The following TIAM1 variants were observed in gnomAD, a reference collection of about 807,000 sequenced individuals.
TIAM1 encodes rho guanine nucleotide exchange factor TIAM1.
In TIAM1, 65 loss-of-function variants were observed where a neutral mutation model predicts 163.5. The ratio of observed to expected loss-of-function variants is 0.40; its 90% confidence interval spans 0.33 to 0.49. The LOEUF is 0.49. Among genes scored for constraint, TIAM1 ranks in the 20% least tolerant of loss-of-function variants. The pLI is 0.77. For missense variants in TIAM1, 1,789 were observed against 2,044.7 expected, an observed-to-expected ratio of 0.87 and a Z score of 2.41; for synonymous variants, 833 against 810.1, an observed-to-expected ratio of 1.03 and a Z score of -0.48.
At chr21:31,386,540 CAGATGG>C (rs1478450842) in intron 2 of TIAM1, among the ~76,000 whole-genome samples, 2 of 152,136 alleles carry the variant, frequency 1.3e-5, no homozygotes, top group Non-Finnish European at 2.9e-5. Context: ...GCAGCCCTTC[CAGATGG>C]GCCGCTAAGA....
intron 2 of TIAM1, among the ~76,000 whole-genome samples, chr21:31,368,695 A>G (rs1260569833): frequency 6.6e-6 from 1 of 152,218 alleles, no homozygotes; most frequent in Non-Finnish European, 1.5e-5. Flanking sequence ...GTAAGAAGAA[A>G]AGGACGGGAG....
chr21:31,375,530 T>A (rs1393389341), intron 2 of TIAM1, among the ~76,000 whole-genome samples: 3 of 141,884 alleles, frequency 2.1e-5, no homozygotes, highest in Non-Finnish European at 4.5e-5. Flanking sequence ...TGTTCATTCA[T>A]ATATAGAAAA....
intron 2 of TIAM1, among the ~76,000 whole-genome samples, chr21:31,294,963 C>A (rs573387964): frequency 1.3e-5 from 2 of 152,354 alleles, no homozygotes; most frequent in East Asian, 3.9e-4. Context: ...TGCGCTGCGC[C>A]ACCCAGCACA....
chr21:31,159,901 A>G (rs2083822347), intron 16 of TIAM1, among the ~76,000 whole-genome samples: 1 of 152,246 alleles, frequency 6.6e-6, no homozygotes, highest in Admixed American at 6.5e-5. Flanking sequence ...AGTTGCTGTC[A>G]AACCAGTAAC....
chr21:31,155,155 G>A (rs2083558951), intron 16 of TIAM1, among the ~76,000 whole-genome samples: 1 of 152,214 alleles, frequency 6.6e-6, no homozygotes, highest in Non-Finnish European at 1.5e-5. Flanking sequence ...GACCATAAAG[G>A]TTGCACACGT....
At chr21:31,453,846 C>T (rs2044981248) in intron 2 of TIAM1, among the ~76,000 whole-genome samples, 1 of 151,868 alleles carries the variant, frequency 6.6e-6, no homozygotes, top group African/African-American at 2.4e-5. Flanking sequence ...ACCAACATGA[C>T]CTGGCCTGCT....
At chr21:31,357,771 A>G (rs2076340604) in intron 2 of TIAM1, among the ~76,000 whole-genome samples, 1 of 152,238 alleles carries the variant, frequency 6.6e-6, no homozygotes, top group South Asian at 2.1e-4. Context: ...CGGTTTATAA[A>G]GCCAATGTTT....
chr21:31,389,118 G>A (rs928241249), intron 2 of TIAM1, among the ~76,000 whole-genome samples: 1 of 152,180 alleles, frequency 6.6e-6, no homozygotes, highest in East Asian at 1.9e-4. Context: ...AATTTTATTC[G>A]TGGATGCTGA....
intron 16 of TIAM1, among the ~76,000 whole-genome samples, chr21:31,154,675 C>T (rs950144173): frequency 2.6e-5 from 4 of 152,170 alleles, no homozygotes; most frequent in African/African-American, 9.7e-5. Flanking sequence ...ATTTCATCTG[C>T]CCACACGGTA....
intron 5 of TIAM1, among the ~76,000 whole-genome samples, chr21:31,249,831 G>A (rs1297762762): frequency 2.0e-5 from 3 of 152,142 alleles, no homozygotes; most frequent in Admixed American, 1.3e-4. Flanking sequence ...ATGTCTCATA[G>A]GCAAGACCAC....
intron 2 of TIAM1, among the ~76,000 whole-genome samples, chr21:31,354,101 G>A (rs866112041): frequency 6.6e-6 from 1 of 151,978 alleles, no homozygotes; most frequent in Admixed American, 6.5e-5. Context: ...GCCTCCCAAA[G>A]TGCTGGATTA....
Position 31,295,314 on chromosome 21 carries a change from C to CA in TIAM1, c.-188-18407dup, listed in dbSNP as rs565761017. Among the ~76,000 whole-genome samples the CA allele has an allele frequency of 1.9e-4, 29 of 151,966 alleles. No individual in the cohort carries two copies. The East Asian group carries it at 5.1e-3, about 27-fold the overall frequency. ...TGAAACCCCGTCTCTACTAAAAATA[C>CA]AAAAAATTAGTTGGGCGTGGTGGCA... On this transcript the variant is annotated intron_variant, in intron 2 of 27. Coordinates refer to ENST00000541036, the MANE Select transcript of TIAM1 (RefSeq NM_001353694.2).
At chr21:31,275,173 A>G (rs1175644302) in intron 3 of TIAM1, among the ~76,000 whole-genome samples, 1 of 152,048 alleles carries the variant, frequency 6.6e-6, no homozygotes, top group Non-Finnish European at 1.5e-5. Context: ...TCACATGCAT[A>G]TACACATGAT....
chr21:31,178,563 C>T (rs539335819), intron 15 of TIAM1, among the ~76,000 whole-genome samples: 2 of 152,086 alleles, frequency 1.3e-5, no homozygotes, highest in African/African-American at 2.4e-5. Flanking sequence ...GCCTCGGCCT[C>T]CCGAAGTGCT....
At chr21:31,407,394 G>T (rs1381177001) in intron 2 of TIAM1, among the ~76,000 whole-genome samples, 1 of 152,000 alleles carries the variant, frequency 6.6e-6, no homozygotes, top group Non-Finnish European at 1.5e-5. Flanking sequence ...CGAAGAAGCG[G>T]CTCAAGCACC....
intron 9 of TIAM1, among the ~76,000 whole-genome samples, chr21:31,214,786 C>A (rs1304785834): frequency 6.6e-6 from 1 of 152,004 alleles, no homozygotes; most frequent in East Asian, 1.9e-4. Flanking sequence ...CAAAAACATA[C>A]AATGTTTTTA....
intron 2 of TIAM1, among the ~76,000 whole-genome samples, chr21:31,299,667 T>A (rs749399814): frequency 6.6e-6 from 1 of 152,194 alleles, no homozygotes; most frequent in Non-Finnish European, 1.5e-5. Context: ...TTACCCATTA[T>A]GTGGTAGGGA....
chr21:31,210,773 A>G (rs899120712), intron 10 of TIAM1, among the ~76,000 whole-genome samples: 4 of 140,776 alleles, frequency 2.8e-5, no homozygotes, highest in African/African-American at 1.2e-4. Context: ...AAAGAAAGAA[A>G]GAAAGAAAGA....
chr21:31,523,574 T>C (rs1215190764), intron 1 of TIAM1, among the ~76,000 whole-genome samples: 12 of 152,168 alleles, frequency 7.9e-5, no homozygotes, highest in Non-Finnish European at 1.6e-4. Context: ...TGTGTGACTG[T>C]GGGCAAATCT....
Sources: gnomAD v4.1 joint callset for allele counts (sites outside exome capture counted in the v4.1 genomes callset) on GRCh38, gnomAD v4.1.1 for gene constraint, MANE v1.5 for transcripts, NCBI Gene and HGNC (gene_info 2026-07-23, HGNC 2026-07-21) for gene names.